Variants in LIPA observed in about 807,000 individuals in gnomAD.
LIPA encodes lipase A, lysosomal acid type.
LIPA carries 26 observed loss-of-function variants against 40.6 expected under a neutral mutation model. The ratio of observed to expected loss-of-function variants is 0.64; its 90% CI spans 0.47 to 0.89. The LOEUF is 0.89. Ranked by LOEUF, LIPA falls within the 40% of genes least tolerant of loss-of-function variation. LIPA has a pLI of 0.00. For missense variants in LIPA, 455 were observed against 479.6 expected, an observed-to-expected ratio of 0.95 and a Z score of 0.48; for synonymous variants, 188 against 168.4, an observed-to-expected ratio of 1.12 and a Z score of -0.90.
At chr10:89,337,903 G>C (rs1219323232) in intron 1 of LIPA, among the ~76,000 whole-genome samples, 3 of 152,178 alleles carry the variant, frequency 2.0e-5, no homozygotes, top group Admixed American at 6.5e-5. Context: ...GTACAAAAGT[G>C]ATAATTCCAT....
At chr10:89,258,460 T>G (rs1843191750) in intron 1 of LIPA, among the ~76,000 whole-genome samples, 1 of 152,060 alleles carries the variant, frequency 6.6e-6, no homozygotes, top group Admixed American at 6.5e-5. Context: ...AAATAACTTT[T>G]TTTTCTAAAA....
chr10:89,354,053 C>A (rs1385414023), intron 2 of LIPA, among the ~76,000 whole-genome samples: 2 of 152,214 alleles, frequency 1.3e-5, no homozygotes, highest in Non-Finnish European at 2.9e-5. Flanking sequence ...CAATCTCTCT[C>A]TTTGCCTTTT....
chr10:89,396,362 C>A (rs1160038651), intron 2 of LIPA, among the ~76,000 whole-genome samples: 3 of 152,188 alleles, frequency 2.0e-5, no homozygotes, highest in African/African-American at 7.2e-5. Flanking sequence ...GCAGCCCATA[C>A]AAGAAGTATG....
intron 7 of LIPA, 30 bp downstream of exon 7, chr10:89,223,654 A>C: frequency 6.4e-7 from 1 of 1,572,296 alleles, no homozygotes; most frequent in Non-Finnish European, 8.8e-7. Flanking sequence ...GATAAAAAAA[A>C]AAATCAAATC....
At chr10:89,327,946 C>T in intron 1 of LIPA, 1 of 829,630 alleles carries the variant, frequency 1.2e-6, no homozygotes, top group South Asian at 1.6e-5. Flanking sequence ...TCAGCTGATG[C>T]GTGCCCTACT....
chr10:89,409,092 C>T (rs934657525), intron 2 of LIPA, among the ~76,000 whole-genome samples: 2 of 152,234 alleles, frequency 1.3e-5, no homozygotes, highest in Non-Finnish European at 2.9e-5. Flanking sequence ...AGAAAATATG[C>T]TCCCCTGTCA....
At chr10:89,231,918 T>A (rs559828872) in intron 3 of LIPA, among the ~76,000 whole-genome samples, 32 of 152,348 alleles carry the variant, frequency 2.1e-4, no homozygotes, top group Admixed American at 3.3e-4. Context: ...TTCATTTTAA[T>A]GCAATATTAA....
chr10:89,403,780 T>G, intron 2 of LIPA: 1 of 844,182 alleles, frequency 1.2e-6, no homozygotes. Context: ...TCATCTTTTC[T>G]GCTTACTGTT....
intron 1 of LIPA, among the ~76,000 whole-genome samples, chr10:89,304,550 A>G (rs939979647): frequency 4.6e-5 from 7 of 152,166 alleles, no homozygotes; most frequent in Admixed American, 1.3e-4. Context: ...AAGAAGCCAT[A>G]CTATTTAGAA....
chr10:89,381,010 A>G (rs1844158604), intron 2 of LIPA, among the ~76,000 whole-genome samples: 1 of 152,218 alleles, frequency 6.6e-6, no homozygotes, highest in Non-Finnish European at 1.5e-5. Flanking sequence ...AATCTCAGTG[A>G]AAGCCAAAAT....
chr10:89,324,144 G>T (rs1843587157), intron 1 of LIPA, among the ~76,000 whole-genome samples: 2 of 152,044 alleles, frequency 1.3e-5, no homozygotes, highest in South Asian at 4.1e-4. Flanking sequence ...CAAGGCTATA[G>T]TAACCAAAAT....
chr10:89,405,919 G>A (rs1844523143), intron 2 of LIPA: 1 of 152,048 alleles, frequency 6.6e-6, no homozygotes, highest in African/African-American at 2.4e-5. Flanking sequence ...TCTTACCACA[G>A]AGCACCCCAA....
chr10:89,385,297 C>T (rs10887952), intron 2 of LIPA: 19,844 of 152,780 alleles, frequency 0.13, 3,369 homozygotes, highest in African/African-American at 0.39. Context: ...CAAAATACTT[C>T]GGTATAACAC....
At position 89,227,016 on chromosome 10, in the gene LIPA, G is replaced by C; in HGVS notation, c.429-12C>G. On this transcript the variant is annotated splice_polypyrimidine_tract_variant and intron_variant, in intron 4 of 9. Transcript: ENST00000336233. ...CCATCTCATCATAACTGTAATCCAA[G>C]AAAGGAACTCTTTCATTGAAATAGT... 1 of 1,452,146 alleles carries C rather than the reference G, an allele frequency of 6.9e-7. No homozygotes were observed. Among genetic ancestry groups the C allele is most frequent in the Non-Finnish European group, 9.7e-7 (1 of 1,032,390 alleles). The allele number at this position is 1,452,146 out of a possible 1,614,324, so 90.0% of individuals were successfully genotyped here.
intron 1 of LIPA, among the ~76,000 whole-genome samples, chr10:89,336,962 C>T (rs937584923): frequency 2.4e-4 from 37 of 152,312 alleles, no homozygotes; most frequent in African/African-American, 8.4e-4. Flanking sequence ...ATTTATCCAG[C>T]TAAATAAGGC....
intron 2 of LIPA, among the ~76,000 whole-genome samples, chr10:89,378,341 G>A (rs543918923): frequency 6.6e-6 from 1 of 152,242 alleles, no homozygotes; most frequent in East Asian, 1.9e-4. Context: ...GCAAAGTTTA[G>A]GGAAATCAAC....
upstream of LIPA, chr10:89,252,195 C>CACAGACAG (rs1312796918): frequency 2.0e-5 from 3 of 152,202 alleles, no homozygotes; most frequent in Non-Finnish European, 4.4e-5. Flanking sequence ...CCATTTAAAG[C>CACAGACAG]GCTTATCATT....
intron 2 of LIPA, among the ~76,000 whole-genome samples, chr10:89,372,059 T>C (rs746133883): frequency 6.6e-6 from 1 of 152,022 alleles, no homozygotes; most frequent in East Asian, 1.9e-4. Context: ...TACTTGAGGG[T>C]AGAGAGTAGG....
At chr10:89,345,559 T>A (rs1193318782), upstream of LIPA, among the ~76,000 whole-genome samples, 2 of 151,214 alleles carry the variant, frequency 1.3e-5, no homozygotes, top group Non-Finnish European at 2.9e-5. Context: ...AATAAATAAA[T>A]AAATAAATAA....
Sources: gnomAD v4.1 joint callset for allele counts (sites outside exome capture counted in the v4.1 genomes callset) on GRCh38, gnomAD v4.1.1 for gene constraint, MANE v1.5 for transcripts, NCBI Gene and HGNC (gene_info 2026-07-23, HGNC 2026-07-21) for gene names.